The following INTS4 variants were observed in gnomAD, a reference collection of about 807,000 sequenced individuals.
INTS4 encodes integrator complex subunit 4, also known as MSTP093.
A neutral mutation model predicts 119.5 loss-of-function variants in INTS4; 70 were observed. The ratio of observed to expected loss-of-function variants is 0.59; its 90% CI spans 0.48 to 0.71. INTS4 has a LOEUF of 0.71. INTS4 is among the 30% of genes least tolerant of loss of function. INTS4 has a pLI of 0.00. For synonymous variants in INTS4, 316 were observed against 419.6 expected, an observed-to-expected ratio of 0.75 and a Z score of 3.02; for missense variants, 867 against 1,173.2, an observed-to-expected ratio of 0.74 and a Z score of 3.81.
chr11:77,929,351 T>C (rs1953590008), intron 10 of INTS4, among the ~76,000 whole-genome samples: 1 of 152,134 alleles, frequency 6.6e-6, no homozygotes, highest in African/African-American at 2.4e-5. Flanking sequence ...TTAACGTCGA[T>C]CTAAGAACAT....
intron 21 of INTS4, among the ~76,000 whole-genome samples, chr11:77,886,130 C>T (rs1393574650): frequency 6.6e-6 from 1 of 151,588 alleles, no homozygotes; most frequent in Admixed American, 6.6e-5. Context: ...CCCTTGGACA[C>T]AGAAGTTTGA....
chr11:77,891,106 G>A (rs1367744786), intron 21 of INTS4, among the ~76,000 whole-genome samples: 2 of 152,138 alleles, frequency 1.3e-5, no homozygotes, highest in African/African-American at 4.8e-5. Flanking sequence ...CTATTTGTCA[G>A]TTGTAGAATC....
intron 15 of INTS4, among the ~76,000 whole-genome samples, chr11:77,910,417 G>A (rs946196799): frequency 6.8e-6 from 1 of 147,962 alleles, no homozygotes; most frequent in Non-Finnish European, 1.5e-5. Context: ...CACAGGAAGG[G>A]GAACATCACA....
intron 21 of INTS4, among the ~76,000 whole-genome samples, chr11:77,888,537 G>C (rs367663036): frequency 9.2e-5 from 14 of 152,072 alleles, no homozygotes; most frequent in African/African-American, 1.4e-4. Flanking sequence ...GTCTAAAACA[G>C]CAAAAGCAAT....
At chr11:77,994,565 C>T (rs757717749) in intron 1 of INTS4, 25 bp downstream of exon 1, 2 of 1,572,540 alleles carry the variant, frequency 1.3e-6, no homozygotes, top group Non-Finnish European at 1.8e-6. Flanking sequence ...CGGATCGGTT[C>T]TGGATCTTTC....
intron 10 of INTS4, among the ~76,000 whole-genome samples, chr11:77,934,046 A>C (rs1953731691): frequency 5.0e-3 from 1 of 202 alleles, no homozygotes; most frequent in African/African-American, 0.021. Context: ...GTTCTGTACT[A>C]AGAAAAATCT....
chr11:77,913,171 T>C (rs1591047894), intron 15 of INTS4, among the ~76,000 whole-genome samples: 3 of 152,326 alleles, frequency 2.0e-5, no homozygotes, highest in African/African-American at 7.2e-5. Flanking sequence ...GACAAATGAC[T>C]GCAGCATTCC....
chr11:77,951,281 T>A, intron 8 of INTS4, among the ~76,000 whole-genome samples: 1 of 151,986 alleles, frequency 6.6e-6, no homozygotes, highest in Admixed American at 6.6e-5. Context: ...TAGTTCAAGA[T>A]CCCTGAGGAA....
At chr11:77,876,850 T>A (rs764012128), downstream of INTS4, 5 of 624,106 alleles carry the variant, frequency 8.0e-6, no homozygotes, top group Non-Finnish European at 1.4e-5. Context: ...AAGGGGTACT[T>A]ATCTGAAAAA....
At chr11:77,949,353 C>A (rs2136548620) in intron 8 of INTS4, among the ~76,000 whole-genome samples, 1 of 152,060 alleles carries the variant, frequency 6.6e-6, no homozygotes, top group South Asian at 2.1e-4. Context: ...GGCAACGAAG[C>A]CAAAATTGAG....
intron 8 of INTS4, among the ~76,000 whole-genome samples, chr11:77,950,201 A>C (rs1470691685): frequency 6.6e-6 from 1 of 151,394 alleles, no homozygotes; most frequent in Non-Finnish European, 1.5e-5. Flanking sequence ...GAAACATCAC[A>C]CACCAGGGAC....
At chr11:77,964,595 AAATAAAT>A (rs1474096540) in intron 4 of INTS4, among the ~76,000 whole-genome samples, 2 of 151,528 alleles carry the variant, frequency 1.3e-5, no homozygotes, top group African/African-American at 4.8e-5. Context: ...TAAAAATAAA[AAATAAAT>A]AAAAATAAAA....
intron 2 of INTS4, among the ~76,000 whole-genome samples, chr11:77,983,354 T>C (rs1233392740): frequency 6.6e-6 from 1 of 152,176 alleles, no homozygotes; most frequent in Non-Finnish European, 1.5e-5. Flanking sequence ...GGCTCCTGCC[T>C]AGGCCTCCCA....
At chr11:77,891,654 G>A (rs1283347937) in intron 20 of INTS4, 27 bp downstream of exon 20, 21 of 1,610,820 alleles carry the variant, frequency 1.3e-5, no homozygotes, top group Non-Finnish European at 1.7e-5. Flanking sequence ...GACAGATTTG[G>A]CCTACAGGGG....
At chr11:77,904,711 A>C (rs1202052263) in intron 16 of INTS4, among the ~76,000 whole-genome samples, 2 of 152,192 alleles carry the variant, frequency 1.3e-5, no homozygotes, top group East Asian at 1.9e-4. Flanking sequence ...TGTAGTCAGA[A>C]AGCAGAATTA....
At chr11:77,951,318 T>C (rs1177605729) in intron 8 of INTS4, among the ~76,000 whole-genome samples, 3 of 152,124 alleles carry the variant, frequency 2.0e-5, no homozygotes, top group East Asian at 1.9e-4. Flanking sequence ...AAGAGAGAGA[T>C]AGACCAATGG....
chr11:77,888,053 C>G (rs1952095060), intron 21 of INTS4, among the ~76,000 whole-genome samples: 1 of 152,136 alleles, frequency 6.6e-6, no homozygotes, highest in Non-Finnish European at 1.5e-5. Context: ...TGACTTTCTT[C>G]ACAGAATTGG....
intron 10 of INTS4, among the ~76,000 whole-genome samples, chr11:77,929,265 T>C (rs1422628324): frequency 6.6e-6 from 1 of 152,074 alleles, no homozygotes; most frequent in Non-Finnish European, 1.5e-5. Context: ...CAGGCTGTCT[T>C]CTATTCTCTA....
intron 15 of INTS4, among the ~76,000 whole-genome samples, chr11:77,912,303 C>T (rs886644769): frequency 2.7e-5 from 4 of 150,566 alleles, no homozygotes; most frequent in African/African-American, 9.8e-5. Flanking sequence ...CAGAGGTTGC[C>T]GTGAACCGAG....
Sources: gnomAD v4.1 joint callset for allele counts (sites outside exome capture counted in the v4.1 genomes callset) on GRCh38, gnomAD v4.1.1 for gene constraint, MANE v1.5 for transcripts, NCBI Gene and HGNC (gene_info 2026-07-23, HGNC 2026-07-21) for gene names.